UGT1A8: variants seen among roughly 807,000 people sequenced by gnomAD.
UGT1A8 encodes UDP-glucuronosyltransferase 1A8.
UGT1A8 carries 39 observed loss-of-function variants against 45.3 expected under a neutral mutation model. The observed-to-expected ratio is 0.86, with a 90% CI of 0.67 to 1.12. The LOEUF (loss-of-function observed/expected upper bound fraction) is 1.12. Ranked by LOEUF, UGT1A8 falls within the 50% of genes most tolerant of loss-of-function variation. The pLI is 0.00. For synonymous variants in UGT1A8, 275 were observed against 249.2 expected, an observed-to-expected ratio of 1.10 and a Z score of -0.97; for missense variants, 719 against 664.9, an observed-to-expected ratio of 1.08 and a Z score of -0.90.
At chr2:233,729,140 T>C (rs764216877) in intron 1 of UGT1A8, 7 of 1,613,266 alleles carry the variant, frequency 4.3e-6, no homozygotes, top group East Asian at 2.2e-5. Context: ...GCCACAGGAC[T>C]CCAGGTTCCC....
At chr2:233,735,907 G>A (rs1349886995) in intron 1 of UGT1A8, among the ~76,000 whole-genome samples, 1 of 151,990 alleles carries the variant, frequency 6.6e-6, no homozygotes, top group African/African-American at 2.4e-5. Context: ...TTCCCTTTGT[G>A]GGTAACCCGA....
intron 1 of UGT1A8, among the ~76,000 whole-genome samples, chr2:233,638,551 G>C (rs1235751862): frequency 6.6e-6 from 1 of 152,140 alleles, no homozygotes; most frequent in African/African-American, 2.4e-5. Flanking sequence ...AGTTTAAATA[G>C]GGATTCGGTT....
chr2:233,755,203 A>G, intron 1 of UGT1A8: 1 of 1,097,556 alleles, frequency 9.1e-7, no homozygotes, highest in Non-Finnish European at 1.3e-6. Flanking sequence ...AGCTTGCGGT[A>G]CGCCTTCTTG....
At chr2:233,771,698 A>G (rs892218397) in intron 4 of UGT1A8, 1 of 152,738 alleles carries the variant, frequency 6.5e-6, no homozygotes, top group Non-Finnish European at 1.5e-5. Flanking sequence ...GAAGAAGAGT[A>G]GGAAGCAAGG....
intron 1 of UGT1A8, among the ~76,000 whole-genome samples, chr2:233,705,866 T>C (rs1328225080): frequency 6.6e-6 from 1 of 152,092 alleles, no homozygotes; most frequent in African/African-American, 2.4e-5. Flanking sequence ...GGCAGGCAGA[T>C]CACTTGAGGC....
rs559531596 is a variant in UGT1A8 at position 233,631,908 on chromosome 2, C to A, written c.855+13346C>A. ...GGTGTTTTAGTTATGAAGTCTTTGC[C>A]CATGCCTATTTCCTGAATGGTATTG... On this transcript the variant is annotated intron_variant, in intron 1 of 4. Coordinates refer to ENST00000373450, the MANE Select transcript of UGT1A8 (RefSeq NM_019076.5). Among the ~76,000 whole-genome samples, 4 of 152,166 alleles carry A rather than the reference C, an allele frequency of 2.6e-5. No homozygotes were observed. In the South Asian group the frequency reaches 8.3e-4, roughly 32 times the overall value.
chr2:233,690,782 CA>C, intron 1 of UGT1A8: 1 of 703,324 alleles, frequency 1.4e-6, no homozygotes, highest in Non-Finnish European at 1.9e-6. Context: ...CACATACACA[CA>C]CACACACACA....
intron 1 of UGT1A8, among the ~76,000 whole-genome samples, chr2:233,678,993 A>G (rs12053462): frequency 0.18 from 27,826 of 152,210 alleles, 2,767 homozygotes; most frequent in Non-Finnish European, 0.23. Flanking sequence ...TCTTTCTATA[A>G]TAACAGTGGC....
chr2:233,620,960 GCACA>G, intron 1 of UGT1A8, among the ~76,000 whole-genome samples: 1 of 152,240 alleles, frequency 6.6e-6, no homozygotes, highest in East Asian at 1.9e-4. Context: ...GTATGTGTTT[GCACA>G]TGTATGTGTT....
At chr2:233,666,027 G>A (rs1292077043) in intron 1 of UGT1A8, among the ~76,000 whole-genome samples, 9 of 152,180 alleles carry the variant, frequency 5.9e-5, no homozygotes, top group Admixed American at 2.0e-4. Context: ...TTGGCTGGTG[G>A]TTCATTCAGG....
intron 1 of UGT1A8, among the ~76,000 whole-genome samples, chr2:233,676,363 A>C (rs2074357539): frequency 6.6e-6 from 1 of 152,206 alleles, no homozygotes; most frequent in Admixed American, 6.5e-5. Context: ...ATAGGATTAT[A>C]GCAAGGTTAC....
At chr2:233,756,656 A>G (rs934932092) in intron 1 of UGT1A8, among the ~76,000 whole-genome samples, 3 of 152,202 alleles carry the variant, frequency 2.0e-5, no homozygotes, top group Non-Finnish European at 4.4e-5. Flanking sequence ...CATGGGATGC[A>G]GTGATTATTT....
chr2:233,729,351 C>T, intron 1 of UGT1A8: 1 of 1,614,194 alleles, frequency 6.2e-7, no homozygotes, highest in Non-Finnish European at 8.5e-7. Context: ...AGAACTTTTT[C>T]ACCCTGACAA....
chr2:233,744,582 C>T (rs1692857811), intron 1 of UGT1A8, among the ~76,000 whole-genome samples: 2 of 151,846 alleles, frequency 1.3e-5, no homozygotes, highest in African/African-American at 4.9e-5. Flanking sequence ...CATCGTTTTA[C>T]AGTTTTTGCA....
At chr2:233,629,670 T>C (rs1420858647) in intron 1 of UGT1A8, among the ~76,000 whole-genome samples, 3 of 152,276 alleles carry the variant, frequency 2.0e-5, no homozygotes, top group Middle Eastern at 3.4e-3. Flanking sequence ...GGCTTCAGTT[T>C]TTGGGACTAG....
At chr2:233,692,860 C>A in intron 1 of UGT1A8, 2 of 1,471,358 alleles carry the variant, frequency 1.4e-6, no homozygotes, top group South Asian at 2.9e-5. Context: ...TGGGTTCTTA[C>A]ATATCAAAGG....
chr2:233,728,324 C>T (rs1309797848), intron 1 of UGT1A8, among the ~76,000 whole-genome samples: 1 of 152,194 alleles, frequency 6.6e-6, no homozygotes, highest in Non-Finnish European at 1.5e-5. Context: ...GGCCAGGCTC[C>T]AGCTCCCCCA....
At chr2:233,679,743 T>C (rs1019991375) in intron 1 of UGT1A8, among the ~76,000 whole-genome samples, 1 of 152,142 alleles carries the variant, frequency 6.6e-6, no homozygotes, top group African/African-American at 2.4e-5. Flanking sequence ...TTTGTAAAAC[T>C]AGCAAACCAT....
At chr2:233,624,932 G>T (rs1206571787) in intron 1 of UGT1A8, among the ~76,000 whole-genome samples, 1 of 151,742 alleles carries the variant, frequency 6.6e-6, no homozygotes, top group Non-Finnish European at 1.5e-5. Context: ...ATTTTTAATT[G>T]TTCATTGCTA....
Sources: allele counts gnomAD v4.1 joint callset (sites outside exome capture counted in the v4.1 genomes callset), GRCh38; gene constraint gnomAD v4.1.1; transcripts MANE v1.5; gene names NCBI Gene and HGNC (gene_info 2026-07-23, HGNC 2026-07-21).